The following CCN5 variants were observed in gnomAD, a reference collection of about 807,000 sequenced individuals.
CCN5 encodes cellular communication network factor 5, also known as CCN family member 5.
A neutral mutation model predicts 18.7 loss-of-function variants in CCN5; 17 were observed. The ratio of observed to expected loss-of-function variants is 0.91; its 90% CI spans 0.62 to 1.36. CCN5 has a LOEUF of 1.36. Ranked by LOEUF, CCN5 falls within the 40% of genes most tolerant of loss-of-function variation. The probability of loss-of-function intolerance (pLI) is 0.00; values close to 1 mark genes in which losing one functional copy is unlikely to be tolerated. For missense variants in CCN5, 367 were observed against 342.9 expected, an observed-to-expected ratio of 1.07 and a Z score of -0.56; for synonymous variants, 135 against 145.2, an observed-to-expected ratio of 0.93 and a Z score of 0.50.
At chr20:44,719,328 C>T (rs151044310) in intron 1 of CCN5, among the ~76,000 whole-genome samples, 74 of 152,328 alleles carry the variant, frequency 4.9e-4, no homozygotes, top group African/African-American at 1.7e-3. Context: ...GTAACTTCCT[C>T]AAGGTCACTC....
At chr20:44,715,235 G>T (rs930552211), upstream of CCN5, 1 of 447,048 alleles carries the variant, frequency 2.2e-6, no homozygotes, top group Non-Finnish European at 3.9e-6. Flanking sequence ...GTGTTTGTGT[G>T]TGTGTGTGTG....
chr20:44,717,939 T>C (rs911808150), intron 1 of CCN5, among the ~76,000 whole-genome samples: 1 of 151,754 alleles, frequency 6.6e-6, no homozygotes, highest in Non-Finnish European at 1.5e-5. Flanking sequence ...GGATTTATTA[T>C]ATAAAAATTC....
At chr20:44,716,899 A>T (rs1224491675) in intron 1 of CCN5, 2 of 152,236 alleles carry the variant, frequency 1.3e-5, no homozygotes, top group African/African-American at 2.4e-5. Flanking sequence ...CAGAGGAGAA[A>T]ACTGAGCTTC....
chr20:44,720,455 T>G, intron 2 of CCN5: 21 of 378,468 alleles, frequency 5.5e-5, no homozygotes, highest in Middle Eastern at 7.1e-4. Context: ...TCAGGATCCT[T>G]ACAACACTTT....
At position 44,727,515 on chromosome 20, in the gene CCN5, C is replaced by T. The variant is rs1061098; in HGVS notation, c.*208C>T. Reference sequence around the variant, plus strand: ...ATGGCAGAGGTGCAAGACCTAGTCCCCTTTCCTCTAACTCACTGCCTAGGA... The same window carrying T: ...ATGGCAGAGGTGCAAGACCTAGTCCTCTTTCCTCTAACTCACTGCCTAGGA... On this transcript the variant is annotated 3_prime_UTR_variant, in exon 4 of 4. Transcript: ENST00000190983. The T allele has an allele frequency of 0.34, 465,865 of 1,388,218 alleles. 79,239 individuals carry two copies. The highest frequency in any genetic ancestry group is 0.34 in the Non-Finnish European group (365,482 of 1,067,676). 86.0% of individuals were successfully genotyped at this position (1,388,218 alleles called of 1,614,324 possible). A position where few individuals can be genotyped will look rare whatever the true frequency, so the allele number is the denominator to read the frequency against.
chr20:44,720,155 G>A, intron 2 of CCN5, 42 bp downstream of exon 2: 1 of 1,529,080 alleles, frequency 6.5e-7, no homozygotes, highest in Admixed American at 2.0e-5. Context: ...GGTGTGAGCG[G>A]GAGGTCAAGG....
intron 1 of CCN5, among the ~76,000 whole-genome samples, chr20:44,715,996 A>G (rs1297676908): frequency 6.6e-6 from 1 of 152,236 alleles, no homozygotes; most frequent in Non-Finnish European, 1.5e-5. Flanking sequence ...GCTGCATGGG[A>G]CATTCACCAA....
intron 1 of CCN5, among the ~76,000 whole-genome samples, chr20:44,719,359 AG>A (rs2065881391): frequency 2.0e-5 from 3 of 152,246 alleles, no homozygotes; most frequent in Non-Finnish European, 4.4e-5. Flanking sequence ...GGGCAGAATT[AG>A]AACTGGAAGT....
intron 2 of CCN5, chr20:44,720,326 A>G (rs747057130): frequency 2.1e-5 from 12 of 579,594 alleles, no homozygotes; most frequent in African/African-American, 3.8e-5. Flanking sequence ...CACTACCCCA[A>G]TAACCTTTCC....
At chr20:44,724,063 T>C (rs982398522) in intron 2 of CCN5, 1 of 152,208 alleles carries the variant, frequency 6.6e-6, no homozygotes, top group Non-Finnish European at 1.5e-5. Context: ...CCTGAGCACC[T>C]AGGCCATGCC....
At position 44,720,112 on chromosome 20, in the gene CCN5, C is replaced by T. The variant is rs1297452489; in HGVS notation, c.276C>T (p.Leu92=). The T allele has an allele frequency of 6.5e-7, 1 of 1,545,678 alleles. No individual in the cohort carries two copies. Among genetic ancestry groups the T allele is most frequent in the Admixed American group, 1.9e-5 (1 of 51,340 alleles). Residue 92 remains leucine (L), a splice_region_variant and synonymous_variant, in exon 2 of 4, where the codon CTC becomes CTT. Coordinates refer to ENST00000190983, the MANE Select transcript of CCN5 (RefSeq NM_003881.4). Reference sequence around the variant, plus strand: ...CCGGTGGCCGGGGGGCCCTGTGCCTCTGTAAGCAGGTTTGCAGGACTGAGT... The same window carrying T: ...CCGGTGGCCGGGGGGCCCTGTGCCTTTGTAAGCAGGTTTGCAGGACTGAGT... ...AGPGGRGALC[L]LAEDDSSCEV...
In CCN5 at chr20:44,724,623, G is replaced by A; in HGVS notation, c.278-115G>A. 2.0e-6 allele frequency: 3 copies of A among 1,506,742 alleles called. No individual in the cohort carries two copies. In the East Asian group the frequency reaches 7.0e-5, roughly 35 times the overall value. The allele number at this position is 1,506,742 out of a possible 1,614,324, so 93.3% of individuals were successfully genotyped here. ...TGCATATCCTGGGCTGGAGCCCTGG[G>A]CAGGGCCCAGCTACTGTGAGGCAGC... is the stretch of plus-strand genomic sequence containing the variant. On this transcript the variant is annotated intron_variant, in intron 2 of 3. Coordinates refer to ENST00000190983, the MANE Select transcript of CCN5 (RefSeq NM_003881.4).
chr20:44,726,615 G>C (rs2065937731), intron 3 of CCN5, among the ~76,000 whole-genome samples: 1 of 152,104 alleles, frequency 6.6e-6, no homozygotes, highest in South Asian at 2.1e-4. Context: ...TGTAAGACTA[G>C]AAGGAAGGAC....
At position 44,727,646 on chromosome 20, in the gene CCN5, A is replaced by G. The variant is rs2065946243; in HGVS notation, c.*339A>G. On this transcript the variant is annotated 3_prime_UTR_variant, in exon 4 of 4. Coordinates refer to ENST00000190983, the MANE Select transcript of CCN5 (RefSeq NM_003881.4). ...CTTTCTCTCCGACTTCCCCTGGGCA[A>G]GAGATGGGACAAGCAGTCCCTTAAT... The G allele has an allele frequency of 1.4e-6, 1 of 739,156 alleles. No homozygotes were observed. Among genetic ancestry groups the G allele is most frequent in the Admixed American group, 4.3e-5 (1 of 23,170 alleles). The allele number at this position is 739,156 out of a possible 1,614,324, so 45.8% of individuals were successfully genotyped here. A position where few individuals can be genotyped will look rare whatever the true frequency, so the allele number is the denominator to read the frequency against.
chr20:44,718,236 C>T (rs867487014), intron 1 of CCN5, among the ~76,000 whole-genome samples: 4 of 152,136 alleles, frequency 2.6e-5, no homozygotes, highest in African/African-American at 7.2e-5. Flanking sequence ...TCCTAGTGGC[C>T]GGCGTGGGAG....
intron 1 of CCN5, among the ~76,000 whole-genome samples, chr20:44,716,387 C>T (rs911456357): frequency 2.0e-5 from 3 of 152,208 alleles, no homozygotes; most frequent in African/African-American, 2.4e-5. Flanking sequence ...TTGAGGAGCA[C>T]GGGCAGGAGC....
chr20:44,720,627 A>G (rs1214681435), intron 2 of CCN5: 7 of 167,174 alleles, frequency 4.2e-5, no homozygotes, highest in Non-Finnish European at 7.5e-5. Context: ...ATTAAGGGAC[A>G]TGCTTCATGT....
At chr20:44,719,159 T>C (rs1315777962) in intron 1 of CCN5, among the ~76,000 whole-genome samples, 2 of 152,216 alleles carry the variant, frequency 1.3e-5, no homozygotes, top group Non-Finnish European at 2.9e-5. Flanking sequence ...CTGAGCCCTC[T>C]GCCACCATTA....
At chr20:44,718,250 C>T (rs2065873892) in intron 1 of CCN5, among the ~76,000 whole-genome samples, 1 of 152,162 alleles carries the variant, frequency 6.6e-6, no homozygotes, top group African/African-American at 2.4e-5. Flanking sequence ...GTGGGAGTTG[C>T]CGGGAACTGA....
Sources: allele counts gnomAD v4.1 joint callset (sites outside exome capture counted in the v4.1 genomes callset), GRCh38; gene constraint gnomAD v4.1.1; transcripts MANE v1.5; gene names NCBI Gene and HGNC (gene_info 2026-07-23, HGNC 2026-07-21).